ABCA4: variants seen among roughly 807,000 people sequenced by gnomAD.
The protein encoded by ABCA4 is retinal-specific phospholipid-transporting ATPase ABCA4.
Under a neutral mutation model 263.7 loss-of-function variants are expected in ABCA4, and 196 were observed. The observed-to-expected ratio is 0.74, with a 90% CI of 0.66 to 0.84. The LOEUF is 0.84. Among genes scored for constraint, ABCA4 ranks in the 40% least tolerant of loss-of-function variants. The pLI, the probability that ABCA4 is intolerant of heterozygous loss-of-function variation, is 0.00. For missense variants in ABCA4, 2,792 were observed against 2,855.1 expected (o/e 0.98, Z 0.50); for synonymous variants, 1,133 against 1,094.2 (o/e 1.04, Z -0.70).
intron 25 of ABCA4, 144 bp downstream of exon 25, chr1:94,037,001 T>C: frequency 1.0e-6 from 1 of 975,280 alleles, no homozygotes; most frequent in Non-Finnish European, 1.6e-6. Context: ...ATGGGGGAAC[T>C]ATGCCAAAAA....
At position 94,001,493 on chromosome 1, in the gene ABCA4, A is replaced by T. The variant is rs551123639; in HGVS notation, c.6282+365T>A. The T allele has an allele frequency of 6.4e-5, 34 of 534,002 alleles. 1 individual carries two copies. Among genetic ancestry groups the T allele is most frequent in the South Asian group, 5.4e-4 (32 of 58,832 alleles). 33.1% of individuals were successfully genotyped at this position (534,002 alleles called of 1,614,324 possible). A position where few individuals can be genotyped will look rare whatever the true frequency, so the allele number is the denominator to read the frequency against. ...CCTTGGGCTGCGTGGGCATGGCCTC[A>T]GGCCTGGCCTGGCTCAGCTCAGGAG... On this transcript the variant is annotated intron_variant, in intron 45 of 49. Transcript: ENST00000370225.
At chr1:94,095,905 G>A (rs1195677160) in intron 6 of ABCA4, among the ~76,000 whole-genome samples, 1 of 151,788 alleles carries the variant, frequency 6.6e-6, no homozygotes, top group Non-Finnish European at 1.5e-5. Flanking sequence ...AGCAGGTAGG[G>A]GTGGTGCTCC....
At chr1:94,088,515 T>A (rs538546867) in intron 6 of ABCA4, among the ~76,000 whole-genome samples, 2 of 152,376 alleles carry the variant, frequency 1.3e-5, no homozygotes, top group African/African-American at 4.8e-5. Context: ...TCTGCCTAGA[T>A]CCAGCGTGTT....
Position 94,103,069 on chromosome 1 carries a change from G to A in ABCA4, c.516C>T (p.Gly172=), listed in dbSNP as rs766029548. ...TLTLFLIKNI[G]LSDSVVYLLI... is the part of the protein sequence containing the mutation. The stretch of plus-strand genomic sequence containing the variant: ...GAAGGTAGACCACTGAGTCAGACAG[G>A]CCGATGTTTTTAATGAGAAATAGTG... The change falls in exon 5 of 50, where the codon GGC becomes GGT. Residue 172 remains glycine, a synonymous_variant. Coordinates refer to ENST00000370225, the MANE Select transcript of ABCA4 (RefSeq NM_000350.3). 2 of 1,614,184 alleles carry A rather than the reference G, an allele frequency of 1.2e-6. No homozygotes were observed. The highest frequency in any genetic ancestry group is 1.7e-5 in the Admixed American group (1 of 60,018).
intron 19 of ABCA4, 127 bp downstream of exon 19, chr1:94,046,792 A>G (rs1660697000): frequency 1.6e-6 from 2 of 1,215,308 alleles, no homozygotes; most frequent in Non-Finnish European, 2.4e-6. Context: ...GCTTTTACAC[A>G]TTTTTGGGGC....
Position 94,019,597 on chromosome 1 carries a change from G to C in ABCA4, c.5181C>G (p.Asn1727Lys). The C allele has an allele frequency of 6.2e-7, 1 of 1,608,176 alleles. No homozygotes were observed. The highest frequency in any genetic ancestry group is 1.1e-5 in the South Asian group (1 of 89,788). ...GVSPTTYWVT[N>K]FLWDIMNYSV... ...TGACACTTACGATGTCCCAGAGGAA[G>C]TTGGTCACCCAGTAGGTGGTGGGGC... Residue 1727 changes from asparagine to lysine, a missense_variant, in exon 36 of 50, where the codon AAC becomes AAG. Coordinates refer to ENST00000370225, the MANE Select transcript of ABCA4 (RefSeq NM_000350.3).
chr1:94,090,864 A>G (rs1389435621), intron 6 of ABCA4, among the ~76,000 whole-genome samples: 1 of 152,234 alleles, frequency 6.6e-6, no homozygotes, highest in South Asian at 2.1e-4. Flanking sequence ...TTTAGGTTCC[A>G]TGAGGGCTAT....
At chr1:94,007,275 G>A (rs996981201) in intron 43 of ABCA4, among the ~76,000 whole-genome samples, 3 of 151,358 alleles carry the variant, frequency 2.0e-5, no homozygotes, top group African/African-American at 7.3e-5. Flanking sequence ...AAAAATGTGT[G>A]GAGGGAGGTA....
Position 94,000,870 on chromosome 1 carries a change from G to A in ABCA4, c.6445C>T (p.Arg2149Ter), listed in dbSNP as rs61750654. The stretch of plus-strand genomic sequence containing the variant: ...AGATGCTGAATGGTGCCCATACATC[G>A]AAAGGCGCCCTTTACCATGATGGCC... Reference protein sequence around the residue: ...RLAIMVKGAFRCMGTIQHLKS... With the variant: ...RLAIMVKGAF The change falls in exon 47 of 50, where the codon CGA becomes TGA. Residue 2149 changes from arginine (R) to a stop codon, truncating the protein, a stop_gained. Coordinates refer to ENST00000370225, the MANE Select transcript of ABCA4 (RefSeq NM_000350.3). LOFTEE classifies it high-confidence loss of function. The A allele has an allele frequency of 6.2e-6, 10 of 1,614,050 alleles. No homozygotes were observed. In the East Asian group the frequency reaches 8.9e-5, roughly 14 times the overall value.
At chr1:94,040,774 ACT>A (rs777512922) in intron 23 of ABCA4, among the ~76,000 whole-genome samples, 32 of 152,174 alleles carry the variant, frequency 2.1e-4, no homozygotes, top group Non-Finnish European at 4.3e-4. Context: ...GCTGGTTGGT[ACT>A]TTTTGCCTTC....
chr1:94,007,683 T>C lies in ABCA4; in HGVS notation c.5956A>G (p.Thr1986Ala). ...AGKTTTFKMLTGDTTVTSGDA... is the reference protein window; with the variant it reads ...AGKTTTFKMLAGDTTVTSGDA... ...CCTGAGGTCACTGTGGTGTCCCCAG[T>C]GAGCATCTTGAATGTGGTTGTTTTG... Residue 1986 changes from threonine to alanine, a missense_variant, in exon 43 of 50, where the codon ACT (threonine) becomes GCT (alanine). Thr to Ala is a moderately conservative substitution (Grantham distance 58). Coordinates refer to ENST00000370225, the MANE Select transcript of ABCA4 (RefSeq NM_000350.3). The C allele has an allele frequency of 3.1e-6, 5 of 1,614,058 alleles. No individual in the cohort carries two copies. The highest frequency in any genetic ancestry group is 4.2e-6 in the Non-Finnish European group (5 of 1,180,020).
intron 42 of ABCA4, 53 bp downstream of exon 42, chr1:94,008,182 G>C (rs1461256194): frequency 1.3e-6 from 2 of 1,533,910 alleles, no homozygotes; most frequent in Non-Finnish European, 1.8e-6. Context: ...GGAGAGGCAG[G>C]CACAAGAGCT....
intron 36 of ABCA4, among the ~76,000 whole-genome samples, chr1:94,017,115 T>C (rs964531262): frequency 3.3e-5 from 5 of 152,084 alleles, no homozygotes; most frequent in African/African-American, 1.2e-4. Context: ...CAGAGATAAA[T>C]AAATGGATGA....
At chr1:94,002,831 T>C (rs974268001) in intron 44 of ABCA4, among the ~76,000 whole-genome samples, 7 of 152,214 alleles carry the variant, frequency 4.6e-5, no homozygotes, top group African/African-American at 1.7e-4. Context: ...TTTCACTCTC[T>C]AATGTACTGG....
intron 36 of ABCA4, among the ~76,000 whole-genome samples, chr1:94,016,679 C>T (rs1659755837): frequency 1.3e-5 from 2 of 152,130 alleles, no homozygotes; most frequent in South Asian, 4.1e-4. Context: ...TTTTGGAGAG[C>T]TCATAGTGTT....
chr1:94,015,505 TTC>T (rs1055922789), intron 37 of ABCA4, among the ~76,000 whole-genome samples: 4 of 152,196 alleles, frequency 2.6e-5, no homozygotes. Context: ...CATGTGGGAC[TTC>T]TCTCATTGTC....
chr1:94,041,353 A>G lies in ABCA4; in HGVS notation c.3378T>C (p.Leu1126=), dbSNP rs1047378. The part of the protein sequence containing the change: ...STHHMDEADL[L]GDRIAIIAQG... The stretch of plus-strand genomic sequence containing the variant: ...GGGCAATGATGGCAATGCGGTCCCC[A>G]AGGAGGTCGGCCTCGTCCATGTGGT... Residue 1126 remains leucine, a synonymous_variant, in exon 23 of 50, where the codon CTT becomes CTC. Coordinates refer to ENST00000370225, the MANE Select transcript of ABCA4 (RefSeq NM_000350.3). 3.7e-6 allele frequency: 6 copies of G among 1,614,162 alleles called. No individual in the cohort carries two copies. The East Asian group carries it at 1.3e-4, about 36-fold the overall frequency.
chr1:94,067,329 G>A (rs1570397526), intron 11 of ABCA4, among the ~76,000 whole-genome samples: 2 of 152,062 alleles, frequency 1.3e-5, no homozygotes, highest in Non-Finnish European at 1.5e-5. Flanking sequence ...AAATCTATAC[G>A]GGAATAAGCA....
At chr1:94,049,157 T>TTTCA (rs1408465103) in intron 17 of ABCA4, among the ~76,000 whole-genome samples, 200 bp from the exon 18 acceptor site, 1 of 151,960 alleles carries the variant, frequency 6.6e-6, no homozygotes, top group Non-Finnish European at 1.5e-5. Context: ...ACTTGGAGAG[T>TTTCA]TTCACCTCCT....
Sources: allele counts gnomAD v4.1 joint callset (sites outside exome capture counted in the v4.1 genomes callset), GRCh38; gene constraint gnomAD v4.1.1; transcripts MANE v1.5; gene names NCBI Gene and HGNC (gene_info 2026-07-23, HGNC 2026-07-21).